FMO1: variants seen among roughly 807,000 people sequenced by gnomAD.
The protein encoded by FMO1 is flavin-containing monooxygenase 1.
A neutral mutation model predicts 45.4 loss-of-function variants in FMO1; 36 were observed. The observed-to-expected ratio is 0.79, with a 90% CI of 0.61 to 1.05. The LOEUF is 1.05. Ranked by LOEUF, FMO1 falls within the 50% of genes least tolerant of loss-of-function variation. The probability of loss-of-function intolerance (pLI) is 0.00; values close to 1 mark genes in which losing one functional copy is unlikely to be tolerated. For synonymous variants in FMO1, 228 were observed against 227.2 expected (o/e 1.00, Z -0.03); for missense variants, 615 against 640.3 (o/e 0.96, Z 0.43).
Position 171,250,185 on chromosome 1 carries a change from G to A in FMO1, c.-7+1562G>A, listed in dbSNP as rs74509209. Reference sequence around the variant, plus strand: ...ACTTAATAATAAGGTTTATGTGCCTGCTGAGCACTGCACAACTTCTCAAAC... The same window carrying A: ...ACTTAATAATAAGGTTTATGTGCCTACTGAGCACTGCACAACTTCTCAAAC... On this transcript the variant is annotated intron_variant, in intron 1 of 8. Transcript: ENST00000617670. 8.4e-3 allele frequency among the ~76,000 whole-genome samples: 1,283 copies of A among 152,244 alleles called. 17 individuals carry two copies. Among genetic ancestry groups the A allele is most frequent in the African/African-American group, 0.028 (1,161 of 41,542 alleles).
chr1:171,273,924 G>C (rs932976372), intron 3 of FMO1, among the ~76,000 whole-genome samples: 1 of 152,090 alleles, frequency 6.6e-6, no homozygotes, highest in African/African-American at 2.4e-5. Context: ...CCAGCACTTT[G>C]GGGGGCCAAG....
chr1:171,271,955 G>T (rs1216541421), intron 3 of FMO1, among the ~76,000 whole-genome samples: 1 of 152,084 alleles, frequency 6.6e-6, no homozygotes. Context: ...GGAGCCAAAT[G>T]TTAATTCCCA....
At chr1:171,272,596 C>T (rs1660913286) in intron 3 of FMO1, among the ~76,000 whole-genome samples, 1 of 152,212 alleles carries the variant, frequency 6.6e-6, no homozygotes, top group African/African-American at 2.4e-5. Context: ...CATGGGAACC[C>T]ACCTCTTGCA....
At chr1:171,264,324 G>GTATA (rs546414593) in intron 2 of FMO1, among the ~76,000 whole-genome samples, 1 of 146,740 alleles carries the variant, frequency 6.8e-6, no homozygotes, top group Admixed American at 6.8e-5. Flanking sequence ...TTGTGTGTGT[G>GTATA]TATATATATA....
chr1:171,269,138 T>C (rs1221712775), intron 3 of FMO1, among the ~76,000 whole-genome samples: 1 of 152,220 alleles, frequency 6.6e-6, no homozygotes, highest in Non-Finnish European at 1.5e-5. Context: ...GTCTCTGGTA[T>C]GTCTTTATCA....
Position 171,267,546 on chromosome 1 carries a change from C to G in FMO1, c.136C>G (p.His46Asp). Residue 46 changes from histidine (H) to aspartate (D), a missense_variant, in exon 3 of 9, where the codon CAT becomes GAT. By Grantham distance (81) the His-to-Asp change is moderately conservative (BLOSUM62 -1). Transcript: ENST00000617670. ...DLGGLWRFTE[H>D]VEEGRASLYK... The stretch of plus-strand genomic sequence containing the variant: ...TGTGTGTGCACTGTTTGTACAGGAA[C>G]ATGTTGAAGAAGGCAGAGCCAGTCT... 1 of 1,597,434 alleles carries G rather than the reference C, an allele frequency of 6.3e-7. No individual in the cohort carries two copies. The highest frequency in any genetic ancestry group is 8.5e-7 in the Non-Finnish European group (1 of 1,173,084).
intron 2 of FMO1, among the ~76,000 whole-genome samples, chr1:171,266,850 A>G (rs1215532430): frequency 6.6e-6 from 1 of 152,230 alleles, no homozygotes; most frequent in African/African-American, 2.4e-5. Context: ...TAAAGACATT[A>G]CTAAAACTGT....
intron 1 of FMO1, chr1:171,251,939 T>C (rs557659113): frequency 1.3e-5 from 2 of 152,124 alleles, no homozygotes; most frequent in South Asian, 4.2e-4. Context: ...TAAGGAGCAA[T>C]AACATTTTTA....
At chr1:171,261,065 A>T (rs1419292886) in intron 2 of FMO1, among the ~76,000 whole-genome samples, 2 of 152,124 alleles carry the variant, frequency 1.3e-5, no homozygotes, top group African/African-American at 4.8e-5. Flanking sequence ...AAATGAAAAC[A>T]TGGGACCAGT....
At position 171,258,108 on chromosome 1, in the gene FMO1, T is replaced by G. The variant is rs756951000; in HGVS notation, c.21T>G (p.Ile7Met). MAKRVA[I>M]VGAGVSGLAS... ...AGAACATGGCCAAGCGAGTTGCCAT[T>G]GTGGGAGCTGGGGTCAGCGGCCTGG... The change falls in exon 2 of 9, where the codon ATT becomes ATG. Residue 7 changes from isoleucine to methionine, a missense_variant. Coordinates refer to ENST00000617670, the MANE Select transcript of FMO1 (RefSeq NM_001282693.2). 1.9e-5 allele frequency: 31 copies of G among 1,614,010 alleles called. No individual in the cohort carries two copies. The highest frequency in any genetic ancestry group is 2.5e-5 in the Non-Finnish European group (30 of 1,180,022).
In FMO1 at chr1:171,280,839, G is replaced by C. The variant is rs754961556; in HGVS notation, c.681G>C (p.Ser227=). ...GGWVISRIFD[S]GYPWDMVFMT... ...GGGTGATCAGCCGAATCTTTGACTC[G>C]GGCTACCCATGGGACATGGTGTTCA... Residue 227 remains serine, a synonymous_variant, in exon 6 of 9, where the codon TCG becomes TCC. Transcript: ENST00000617670. 48 of 1,613,586 alleles carry C rather than the reference G, an allele frequency of 3.0e-5. No homozygotes were observed. Among genetic ancestry groups the C allele is most frequent in the Non-Finnish European group, 4.0e-5 (47 of 1,179,858 alleles).
intron 5 of FMO1, among the ~76,000 whole-genome samples, chr1:171,280,035 A>T (rs1661289258): frequency 6.6e-6 from 1 of 152,100 alleles, no homozygotes. Context: ...TGCACCCCTC[A>T]GTTTTCACTT....
At chr1:171,266,034 T>TTG (rs1660605817) in intron 2 of FMO1, among the ~76,000 whole-genome samples, 1 of 152,234 alleles carries the variant, frequency 6.6e-6, no homozygotes, top group Non-Finnish European at 1.5e-5. Context: ...CCAGTTCAAA[T>TTG]AACTTATACT....
intron 3 of FMO1, 117 bp downstream of exon 3, chr1:171,267,848 A>G: frequency 1.5e-6 from 1 of 681,736 alleles, no homozygotes; most frequent in Non-Finnish European, 2.4e-6. Context: ...TATTAATGAC[A>G]CCTGGCTGTA....
chr1:171,259,476 A>G (rs1393647316), intron 2 of FMO1, among the ~76,000 whole-genome samples: 3 of 152,224 alleles, frequency 2.0e-5, no homozygotes, highest in Non-Finnish European at 4.4e-5. Context: ...TCCCATGTCC[A>G]TCGAAGACAT....
Position 171,267,399 on chromosome 1 carries a change from A to G in FMO1, c.133-144A>G, listed in dbSNP as rs1660659044. The G allele has an allele frequency of 1.1e-5, 6 of 547,324 alleles. No individual in the cohort carries two copies. In the Admixed American group the frequency reaches 1.8e-4, roughly 16 times the overall value. 33.9% of individuals were successfully genotyped at this position (547,324 alleles called of 1,614,324 possible). A position where few individuals can be genotyped will look rare whatever the true frequency, so the allele number is the denominator to read the frequency against. ...TACCTAGCAATTGTCCATCATTCAA[A>G]TAAATACTACTTCCTGATTCTCATG... is the stretch of plus-strand genomic sequence containing the variant. On this transcript the variant is annotated intron_variant, in intron 2 of 8. Coordinates refer to ENST00000617670, the MANE Select transcript of FMO1 (RefSeq NM_001282693.2).
chr1:171,253,383 A>G (rs538148823), intron 1 of FMO1, among the ~76,000 whole-genome samples: 4 of 152,262 alleles, frequency 2.6e-5, no homozygotes, highest in East Asian at 3.9e-4. Flanking sequence ...AGCTCAAAAG[A>G]CTGCCAGGCA....
chr1:171,261,321 G>GCACACACACACACACA lies in FMO1; in HGVS notation c.132+3109_132+3124dup, dbSNP rs71561567. 1.4e-3 allele frequency among the ~76,000 whole-genome samples: 211 copies of GCACACACACACACACA among 148,028 alleles called. 2 individuals carry two copies. Among genetic ancestry groups the GCACACACACACACACA allele is most frequent in the African/African-American group, 4.8e-3 (193 of 40,172 alleles). On this transcript the variant is annotated intron_variant, in intron 2 of 8. Transcript: ENST00000617670. ...TTCCCTCCTTCCCCAACACACACAG[G>GCACACACACACACACA]CACACACACACACACACACACAAAA... is the stretch of plus-strand genomic sequence containing the variant.
In FMO1 at chr1:171,282,277, G is replaced by A. The variant is rs1661391972; in HGVS notation, c.1127G>A (p.Gly376Asp). 1.2e-6 allele frequency: 2 copies of A among 1,613,738 alleles called. No individual in the cohort carries two copies. Among genetic ancestry groups the A allele is most frequent in the Non-Finnish European group, 1.7e-6 (2 of 1,179,870 alleles). ...ATTATTGGCCTCATCAAACCCTTGG[G>A]CTCCATGATACCTACAGGAGAAACA... ...LAIIGLIKPLGSMIPTGETQA... is the reference protein window; with the variant it reads ...LAIIGLIKPLDSMIPTGETQA... The change falls in exon 7 of 9, where the codon GGC (glycine) becomes GAC (aspartate). Residue 376 changes from glycine (G) to aspartate (D), a missense_variant. Gly to Asp is a moderately conservative substitution (Grantham distance 94). Transcript: ENST00000617670.
Sources: gnomAD v4.1 joint callset for allele counts (sites outside exome capture counted in the v4.1 genomes callset) on GRCh38, gnomAD v4.1.1 for gene constraint, MANE v1.5 for transcripts, NCBI Gene and HGNC (gene_info 2026-07-23, HGNC 2026-07-21) for gene names.